CNTN4: variants seen among roughly 807,000 people sequenced by gnomAD.
CNTN4 encodes the protein contactin 4.
CNTN4 carries 77 observed loss-of-function variants against 122.5 expected under a neutral mutation model. The ratio of observed to expected loss-of-function variants is 0.63; its 90% CI spans 0.52 to 0.76. The LOEUF is 0.76. Ranked by LOEUF, CNTN4 falls within the 30% of genes least tolerant of loss-of-function variation. The pLI is 0.00. For synonymous variants in CNTN4, 512 were observed against 447.0 expected (o/e 1.15, Z -1.83); for missense variants, 1,256 against 1,259.1 (o/e 1.00, Z 0.04).
rs1224751049 is a variant in CNTN4, at chr3:2,883,394, A to G, written c.755+147A>G. The G allele has an allele frequency of 4.4e-6, 3 of 677,982 alleles. No homozygotes were observed. In the African/African-American group the frequency reaches 5.3e-5, roughly 12 times the overall value. 42.0% of individuals were successfully genotyped at this position (677,982 alleles called of 1,614,324 possible). ...TTGTAATTCTGTGTATGCATCTTGG[A>G]TTCTGCCCCTCACCATGGAGAGAGG... is the stretch of plus-strand genomic sequence containing the variant. On this transcript the variant is annotated intron_variant, in intron 9 of 24. Transcript: ENST00000418658.
chr3:2,285,563 A>G (rs1018422056), intron 2 of CNTN4, among the ~76,000 whole-genome samples: 2 of 152,094 alleles, frequency 1.3e-5, no homozygotes, highest in East Asian at 3.9e-4. Context: ...AAGGGGAGAT[A>G]ACAAAATGAG....
chr3:2,460,692 G>A (rs10049421), intron 3 of CNTN4, among the ~76,000 whole-genome samples: 101,731 of 152,044 alleles, frequency 0.67, 34,240 homozygotes, highest in East Asian at 0.79. Flanking sequence ...GATTACAGTT[G>A]AAGATAGTTT....
chr3:2,427,683 C>T (rs1170520639), intron 3 of CNTN4, among the ~76,000 whole-genome samples: 1 of 150,166 alleles, frequency 6.7e-6, no homozygotes, highest in Non-Finnish European at 1.5e-5. Context: ...GTTAAAGTCT[C>T]CCATTATTAT....
intron 3 of CNTN4, among the ~76,000 whole-genome samples, chr3:2,501,517 A>G (rs1423423027): frequency 6.6e-6 from 1 of 152,132 alleles, no homozygotes; most frequent in Non-Finnish European, 1.5e-5. Context: ...TCTTACCTTT[A>G]TCAACTTCTA....
chr3:2,394,462 CA>C (rs1486574259), intron 3 of CNTN4, among the ~76,000 whole-genome samples: 1 of 152,028 alleles, frequency 6.6e-6, no homozygotes, highest in African/African-American at 2.4e-5. Flanking sequence ...CCAATGTACA[CA>C]TGAAAAAAGT....
intron 6 of CNTN4, among the ~76,000 whole-genome samples, chr3:2,800,052 C>T (rs535621888): frequency 2.1e-5 from 3 of 146,142 alleles, no homozygotes; most frequent in African/African-American, 7.5e-5. Context: ...TAGTAGAATT[C>T]GAAGTTGGGT....
chr3:2,986,166 C>T lies in CNTN4; in HGVS notation c.1359-2179C>T, dbSNP rs1694556029. On this transcript the variant is annotated intron_variant, in intron 13 of 24. Coordinates refer to ENST00000418658, the MANE Select transcript of CNTN4 (RefSeq NM_175607.3). ...CTGAGCTCAAGTGATCCTCCTGCCT[C>T]AGCCCCCTAAAGTGCTAGAATTACA... is the stretch of plus-strand genomic sequence containing the variant. Among the ~76,000 whole-genome samples the T allele has an allele frequency of 2.0e-5, 3 of 152,260 alleles. No individual in the cohort carries two copies. In the South Asian group the frequency reaches 6.2e-4, roughly 32 times the overall value.
intron 2 of CNTN4, among the ~76,000 whole-genome samples, chr3:2,120,392 T>TATAA (rs1166770515): frequency 3.3e-4 from 10 of 29,864 alleles, no homozygotes; most frequent in East Asian, 2.3e-3. Flanking sequence ...TATATATATA[T>TATAA]ATATATATAT....
intron 4 of CNTN4, among the ~76,000 whole-genome samples, chr3:2,600,971 A>C (rs577296553): frequency 2.6e-4 from 39 of 152,090 alleles, no homozygotes; most frequent in Admixed American, 8.5e-4. Flanking sequence ...GCATTTTTTC[A>C]TGTGTCTGTT....
intron 3 of CNTN4, among the ~76,000 whole-genome samples, chr3:2,415,898 A>C (rs2047393996): frequency 6.6e-6 from 1 of 152,116 alleles, no homozygotes; most frequent in Non-Finnish European, 1.5e-5. Context: ...ACAACTCTAG[A>C]AGCTTAATAA....
Position 3,040,025 on chromosome 3 carries a change from C to T in CNTN4, c.2164-12C>T. ...ACTGTGATTTCTGAAGACCACCTTC[C>T]TTCTTTCCCAGACGGTCCCTGAGGA... is the stretch of plus-strand genomic sequence containing the variant. On this transcript the variant is annotated splice_polypyrimidine_tract_variant and intron_variant, in intron 19 of 24. Coordinates refer to ENST00000418658, the MANE Select transcript of CNTN4 (RefSeq NM_175607.3). The T allele has an allele frequency of 6.3e-7, 1 of 1,584,130 alleles. No homozygotes were observed.
chr3:2,993,343 G>A (rs1369482663), intron 14 of CNTN4, among the ~76,000 whole-genome samples: 5 of 149,058 alleles, frequency 3.4e-5, no homozygotes, highest in African/African-American at 1.2e-4. Context: ...TGTTGCCCAG[G>A]CTAGAGTGCA....
At chr3:2,319,895 T>C (rs11710501) in intron 2 of CNTN4, among the ~76,000 whole-genome samples, 18,893 of 152,204 alleles carry the variant, frequency 0.12, 1,431 homozygotes, top group Non-Finnish European at 0.17. Flanking sequence ...TCATTTGTAA[T>C]AGTAATACAT....
At chr3:2,540,069 T>TGTG (rs2077972127) in intron 3 of CNTN4, among the ~76,000 whole-genome samples, 5 of 148,960 alleles carry the variant, frequency 3.4e-5, no homozygotes, top group African/African-American at 1.2e-4. Context: ...TTCATCAGTG[T>TGTG]TGTGTGTGTG....
At chr3:2,248,920 T>C (rs1275452485) in intron 2 of CNTN4, among the ~76,000 whole-genome samples, 1 of 151,958 alleles carries the variant, frequency 6.6e-6, no homozygotes, top group Middle Eastern at 3.2e-3. Flanking sequence ...AAGGCTACAA[T>C]GCAGATACGA....
Position 2,309,996 on chromosome 3 carries a change from T to C in CNTN4, c.-144-29182T>C, listed in dbSNP as rs533085302. ...TAAATACTTTATGGTATGCTGGTGA[T>C]GTTTATGTCCCTACCTCTTTTTATA... On this transcript the variant is annotated intron_variant, in intron 2 of 24. Coordinates refer to ENST00000418658, the MANE Select transcript of CNTN4 (RefSeq NM_175607.3). 7.5e-4 allele frequency among the ~76,000 whole-genome samples: 114 copies of C among 152,292 alleles called. 1 individual carries two copies. The highest frequency in any genetic ancestry group is 2.6e-3 in the African/African-American group (109 of 41,580).
At chr3:2,719,471 A>ACCTGTG (rs2087707935) in intron 4 of CNTN4, among the ~76,000 whole-genome samples, 1 of 152,070 alleles carries the variant, frequency 6.6e-6, no homozygotes, top group African/African-American at 2.4e-5. Context: ...ATTTTTTAGC[A>ACCTGTG]GAGACAGGAT....
At chr3:2,250,810 G>A (rs1233274788) in intron 2 of CNTN4, among the ~76,000 whole-genome samples, 8 of 151,794 alleles carry the variant, frequency 5.3e-5, no homozygotes, top group African/African-American at 1.2e-4. Context: ...GACAGTGATC[G>A]TGGAATCCAG....
At chr3:2,180,177 A>G (rs974464546) in intron 2 of CNTN4, among the ~76,000 whole-genome samples, 4 of 152,024 alleles carry the variant, frequency 2.6e-5, no homozygotes, top group African/African-American at 9.7e-5. Flanking sequence ...TAATCTGGTA[A>G]ATAATACATC....
Sources: gnomAD v4.1 joint callset for allele counts (sites outside exome capture counted in the v4.1 genomes callset) on GRCh38, gnomAD v4.1.1 for gene constraint, MANE v1.5 for transcripts, NCBI Gene and HGNC (gene_info 2026-07-23, HGNC 2026-07-21) for gene names.